Variants in ADCY8 observed in about 807,000 individuals in gnomAD.
The protein encoded by ADCY8 is adenylate cyclase 8, also known as adenylate cyclase type 8.
A neutral mutation model predicts 119.7 loss-of-function variants in ADCY8; 51 were observed. That is an observed-to-expected ratio of 0.43 (90% CI 0.34 to 0.54). ADCY8 has a LOEUF of 0.54. Ranked by LOEUF, ADCY8 falls within the 20% of genes least tolerant of loss-of-function variation. The probability of loss-of-function intolerance (pLI) is 0.03; values close to 1 mark genes in which losing one functional copy is unlikely to be tolerated. For synonymous variants in ADCY8, 665 were observed against 651.0 expected (o/e 1.02, Z -0.33); for missense variants, 1,383 against 1,598.8 (o/e 0.87, Z 2.30).
At chr8:130,785,896 C>G (rs1053262958) in intron 15 of ADCY8, among the ~76,000 whole-genome samples, 1 of 152,216 alleles carries the variant, frequency 6.6e-6, no homozygotes, top group African/African-American at 2.4e-5. Context: ...TGCCCCTTGC[C>G]ACACTGACCT....
At chr8:130,832,231 G>C (rs1816855657) in intron 12 of ADCY8, among the ~76,000 whole-genome samples, 1 of 152,114 alleles carries the variant, frequency 6.6e-6, no homozygotes, top group South Asian at 2.1e-4. Flanking sequence ...GTTTTGGGCT[G>C]GGCATCATGA....
chr8:130,865,901 A>C (rs1818102338), intron 9 of ADCY8, among the ~76,000 whole-genome samples: 3 of 152,036 alleles, frequency 2.0e-5, no homozygotes, highest in Admixed American at 2.0e-4. Context: ...TGCCTTTCAA[A>C]AGGTTATTGG....
intron 12 of ADCY8, among the ~76,000 whole-genome samples, chr8:130,824,300 T>C (rs1231542045): frequency 1.3e-5 from 2 of 152,232 alleles, no homozygotes; most frequent in Admixed American, 6.5e-5. Flanking sequence ...TTACATATTC[T>C]GCCTACTTTA....
intron 15 of ADCY8, among the ~76,000 whole-genome samples, chr8:130,791,670 G>T (rs148214882): frequency 0.011 from 1,656 of 152,302 alleles, 19 homozygotes; most frequent in Non-Finnish European, 0.014. Flanking sequence ...GATTATAGTA[G>T]TGCACACCTG....
At chr8:130,867,727 G>A (rs543137764) in intron 9 of ADCY8, 119 bp downstream of exon 9, 3 of 575,190 alleles carry the variant, frequency 5.2e-6, no homozygotes, top group Non-Finnish European at 9.0e-6. Context: ...AAACATTTTG[G>A]TATGCGTCCT....
intron 5 of ADCY8, among the ~76,000 whole-genome samples, chr8:130,916,664 G>T (rs72714457): frequency 6.6e-6 from 1 of 152,248 alleles, no homozygotes; most frequent in African/African-American, 2.4e-5. Context: ...CACCCAGGGC[G>T]GAAACCGCTT....
chr8:131,010,266 A>G (rs1465717988), intron 1 of ADCY8, among the ~76,000 whole-genome samples: 10 of 152,174 alleles, frequency 6.6e-5, no homozygotes, highest in Admixed American at 5.9e-4. Flanking sequence ...ATTAGTATCA[A>G]TGTTAATAAA....
chr8:130,791,051 G>A (rs1004209048), intron 15 of ADCY8, among the ~76,000 whole-genome samples: 5 of 152,348 alleles, frequency 3.3e-5, no homozygotes, highest in Middle Eastern at 6.8e-3. Flanking sequence ...GTTCAGCACA[G>A]CTGGGTTGGG....
intron 2 of ADCY8, among the ~76,000 whole-genome samples, chr8:130,971,818 G>A (rs988733559): frequency 8.5e-5 from 13 of 152,178 alleles, no homozygotes; most frequent in Non-Finnish European, 1.3e-4. Flanking sequence ...TGACAAAGAT[G>A]ATGTATTCAT....
chr8:130,906,359 A>G (rs1020588499), intron 6 of ADCY8, among the ~76,000 whole-genome samples: 32 of 152,206 alleles, frequency 2.1e-4, no homozygotes, highest in Non-Finnish European at 3.5e-4. Context: ...ATTTTCTTTT[A>G]AGATAATTAA....
intron 7 of ADCY8, among the ~76,000 whole-genome samples, chr8:130,896,977 G>A (rs1819413048): frequency 6.6e-6 from 1 of 152,110 alleles, no homozygotes; most frequent in African/African-American, 2.4e-5. Flanking sequence ...ATCCAGTCCA[G>A]TTTTGCTATT....
At chr8:130,861,501 G>T (rs1427595329) in intron 9 of ADCY8, among the ~76,000 whole-genome samples, 1 of 152,024 alleles carries the variant, frequency 6.6e-6, no homozygotes, top group East Asian at 1.9e-4. Flanking sequence ...CTGATATAAA[G>T]GAAAACAATT....
intron 14 of ADCY8, among the ~76,000 whole-genome samples, chr8:130,809,451 C>T (rs1294134761): frequency 6.6e-6 from 1 of 152,164 alleles, no homozygotes; most frequent in Non-Finnish European, 1.5e-5. Context: ...CTGTTCTTTC[C>T]CTTAAAATAT....
intron 2 of ADCY8, among the ~76,000 whole-genome samples, chr8:130,975,773 G>T (rs1312301166): frequency 6.6e-6 from 1 of 152,108 alleles, no homozygotes; most frequent in East Asian, 1.9e-4. Context: ...CCATTAAGTT[G>T]TCTATAAATA....
Position 131,039,584 on chromosome 8 carries a change from C to A in ADCY8, c.750G>T (p.Trp250Cys), listed in dbSNP as rs951162921. Residue 250 changes from tryptophan to cysteine, a missense_variant, in exon 1 of 18, where the codon TGG becomes TGT. This residue lies in a region of ADCY8 where 455 missense variants were observed against 435.3 expected (regional missense o/e 1.05). Transcript: ENST00000286355. ...CCAGGATCTGGGTGGTCATGGCCAC[C>A]CAGGTGACCACGCCGCTGTACTGCA... Reference protein sequence around the residue: ...TYLQYSGVVTWVAMTTQILAA... With the variant: ...TYLQYSGVVTCVAMTTQILAA... 2 of 1,613,806 alleles carry A rather than the reference C, an allele frequency of 1.2e-6. No individual in the cohort carries two copies. The highest frequency in any genetic ancestry group is 1.7e-6 in the Non-Finnish European group (2 of 1,180,034).
chr8:131,036,913 T>C (rs1021923971), intron 1 of ADCY8, among the ~76,000 whole-genome samples: 4 of 152,260 alleles, frequency 2.6e-5, no homozygotes, highest in Admixed American at 2.6e-4. Context: ...TGGTAAGAAG[T>C]TAGGATTTTA....
rs189367218 is a variant in ADCY8 at position 131,025,967 on chromosome 8, G to A, written c.960+13407C>T. On this transcript the variant is annotated intron_variant, in intron 1 of 17. Transcript: ENST00000286355. The stretch of plus-strand genomic sequence containing the variant: ...TAGATTATAATCTCTTTAATAGCAG[G>A]ATCCTGGATTCTTTTCCTCACCACA... 2.3e-3 allele frequency among the ~76,000 whole-genome samples: 351 copies of A among 152,254 alleles called. 2 individuals are homozygous for A. Among genetic ancestry groups the A allele is most frequent in the Non-Finnish European group, 3.8e-3 (261 of 68,024 alleles).
At chr8:131,004,392 C>A (rs926245858) in intron 1 of ADCY8, among the ~76,000 whole-genome samples, 1 of 152,202 alleles carries the variant, frequency 6.6e-6, no homozygotes, top group Non-Finnish European at 1.5e-5. Flanking sequence ...ATTTTTCTGG[C>A]ATGCTCTTTC....
chr8:131,014,988 G>C (rs1278639443), intron 1 of ADCY8, among the ~76,000 whole-genome samples: 1 of 151,668 alleles, frequency 6.6e-6, no homozygotes, highest in Non-Finnish European at 1.5e-5. Context: ...GTATTTCAGA[G>C]AGAAAGGAGA....
Sources: allele counts gnomAD v4.1 joint callset (sites outside exome capture counted in the v4.1 genomes callset), GRCh38; gene constraint gnomAD v4.1.1; regional missense constraint gnomAD v4.1.1; transcripts MANE v1.5; gene names NCBI Gene and HGNC (gene_info 2026-07-23, HGNC 2026-07-21).